Variants in PSD3 observed in about 807,000 individuals in gnomAD.
PSD3 encodes PH and SEC7 domain-containing protein 3.
In PSD3, 49 loss-of-function variants were observed where a neutral mutation model predicts 105.5. The ratio of observed to expected loss-of-function variants is 0.46; its 90% confidence interval spans 0.37 to 0.59. The LOEUF (loss-of-function observed/expected upper bound fraction) is 0.59, where lower values mean the gene tolerates loss of function less well. Among genes scored for constraint, PSD3 ranks in the 20% least tolerant of loss-of-function variants. The probability of loss-of-function intolerance (pLI) is 0.00; values close to 1 mark genes in which losing one functional copy is unlikely to be tolerated. For synonymous variants in PSD3, 557 were observed against 457.8 expected, an observed-to-expected ratio of 1.22 and a Z score of -2.77; for missense variants, 1,561 against 1,263.8, an observed-to-expected ratio of 1.24 and a Z score of -3.57.
intron 4 of PSD3, among the ~76,000 whole-genome samples, chr8:18,810,997 T>G (rs1476997140): frequency 6.6e-6 from 1 of 152,202 alleles, no homozygotes; most frequent in Non-Finnish European, 1.5e-5. Flanking sequence ...ATTTTGTCCA[T>G]CATTATCTAT....
intron 15 of PSD3, among the ~76,000 whole-genome samples, chr8:18,540,566 T>C (rs943956148): frequency 6.6e-6 from 1 of 152,162 alleles, no homozygotes; most frequent in Non-Finnish European, 1.5e-5. Flanking sequence ...AGTCAGCAGG[T>C]TTTGTCCATC....
chr8:19,048,748 T>C (rs1479214885), intron 1 of PSD3, among the ~76,000 whole-genome samples: 1 of 152,222 alleles, frequency 6.6e-6, no homozygotes, highest in African/African-American at 2.4e-5. Flanking sequence ...CAAAGAATCT[T>C]AATGAAGCTT....
intron 1 of PSD3, among the ~76,000 whole-genome samples, chr8:19,082,188 G>T (rs1295332502): frequency 6.6e-6 from 1 of 152,140 alleles, no homozygotes; most frequent in Non-Finnish European, 1.5e-5. Flanking sequence ...CTGGGCAGGG[G>T]TTCCCTGGTT....
intron 9 of PSD3, among the ~76,000 whole-genome samples, chr8:18,704,130 C>T (rs184762042): frequency 9.8e-5 from 15 of 152,304 alleles, no homozygotes; most frequent in African/African-American, 1.4e-4. Context: ...CTCTTTAAAA[C>T]GCTAGTAGTT....
At chr8:18,843,934 T>A (rs971422215) in intron 4 of PSD3, among the ~76,000 whole-genome samples, 1 of 137,136 alleles carries the variant, frequency 7.3e-6, no homozygotes, top group Non-Finnish European at 1.6e-5. Flanking sequence ...TTTTTTTTTT[T>A]ACCCAAGGCA....
chr8:18,788,053 C>T (rs1175131139), intron 8 of PSD3, among the ~76,000 whole-genome samples: 2 of 152,136 alleles, frequency 1.3e-5, no homozygotes, highest in Non-Finnish European at 2.9e-5. Flanking sequence ...TACGATAACA[C>T]TGATTTACAG....
intron 4 of PSD3, among the ~76,000 whole-genome samples, chr8:18,843,131 C>T (rs974304529): frequency 2.6e-5 from 4 of 152,044 alleles, no homozygotes; most frequent in Admixed American, 6.5e-5. Context: ...GAGGCCGAGA[C>T]GGGCGGATCA....
intron 8 of PSD3, among the ~76,000 whole-genome samples, chr8:18,785,212 A>G (rs909434466): frequency 9.9e-5 from 15 of 152,196 alleles, no homozygotes; most frequent in African/African-American, 3.4e-4. Flanking sequence ...ATTGATTGGA[A>G]GTGTTTTATC....
intron 14 of PSD3, among the ~76,000 whole-genome samples, chr8:18,571,594 C>G (rs916962802): frequency 6.6e-6 from 1 of 152,168 alleles, no homozygotes; most frequent in African/African-American, 2.4e-5. Flanking sequence ...GAGGATCTGG[C>G]CTTCATCTGC....
Position 18,598,509 on chromosome 8 carries a change from C to G in PSD3, c.2481+1855G>C, listed in dbSNP as rs1804204722. Among the ~76,000 whole-genome samples the G allele has an allele frequency of 2.0e-5, 3 of 151,350 alleles. No individual in the cohort carries two copies. In the South Asian group the frequency reaches 6.2e-4, roughly 31 times the overall value. On this transcript the variant is annotated intron_variant, in intron 12 of 15. Coordinates refer to ENST00000327040, the MANE Select transcript of PSD3 (RefSeq NM_015310.4). ...GGTGGTTCAACATATGAAAATCAGTCAAAGTGATAAAACGCATTAACAGAT... is the reference window on the plus strand; with the variant it reads ...GGTGGTTCAACATATGAAAATCAGTGAAAGTGATAAAACGCATTAACAGAT...
chr8:18,872,060 G>A lies in PSD3; in HGVS notation c.804C>T (p.Phe268=), dbSNP rs768179799. 3.7e-6 allele frequency: 6 copies of A among 1,614,116 alleles called. No individual in the cohort carries two copies. Among genetic ancestry groups the A allele is most frequent in the Non-Finnish European group, 4.2e-6 (5 of 1,180,036 alleles). The part of the protein sequence containing the change: ...VTCHSAGSVG[F]LKEQRSALGR... ...CAAGAGCAGACCTCTGCTCTTTCAA[G>A]AAACCAACACTGCCTGCAGAGTGGC... Residue 268 remains phenylalanine (F), a synonymous_variant, in exon 3 of 16, where the codon TTC becomes TTT. Coordinates refer to ENST00000327040, the MANE Select transcript of PSD3 (RefSeq NM_015310.4).
chr8:19,039,982 G>C (rs959609520), intron 1 of PSD3, among the ~76,000 whole-genome samples: 3 of 152,140 alleles, frequency 2.0e-5, no homozygotes, highest in African/African-American at 7.2e-5. Context: ...TTAAGGGTTG[G>C]GGGGTATTTA....
At chr8:18,656,911 T>A (rs1808939277) in intron 9 of PSD3, among the ~76,000 whole-genome samples, 1 of 152,160 alleles carries the variant, frequency 6.6e-6, no homozygotes, top group African/African-American at 2.4e-5. Context: ...AGTAAGATGT[T>A]ATAAGGAACA....
intron 10 of PSD3, among the ~76,000 whole-genome samples, chr8:18,638,050 G>C (rs545637592): frequency 6.6e-6 from 1 of 151,934 alleles, no homozygotes; most frequent in South Asian, 2.1e-4. Context: ...CAGCTACTTG[G>C]GAGGCTGAAG....
chr8:18,926,279 T>C (rs1201719411), intron 2 of PSD3, among the ~76,000 whole-genome samples: 2 of 151,934 alleles, frequency 1.3e-5, no homozygotes, highest in Non-Finnish European at 2.9e-5. Context: ...TGATTCAGCA[T>C]ACATGAACTT....
chr8:18,687,534 C>T (rs1467492259), intron 9 of PSD3, among the ~76,000 whole-genome samples: 1 of 151,702 alleles, frequency 6.6e-6, no homozygotes, highest in Non-Finnish European at 1.5e-5. Flanking sequence ...AAATGATTTC[C>T]CCCCTAACTA....
At chr8:19,024,675 C>T (rs992873543) in intron 1 of PSD3, among the ~76,000 whole-genome samples, 10 of 152,036 alleles carry the variant, frequency 6.6e-5, no homozygotes, top group Non-Finnish European at 1.2e-4. Context: ...AGGGGTAGAA[C>T]TTTCAGCCAC....
At position 18,727,723 on chromosome 8, in the gene PSD3, T is replaced by C. The variant is rs374447928; in HGVS notation, c.2172+37726A>G. 2.0e-4 allele frequency among the ~76,000 whole-genome samples: 31 copies of C among 152,222 alleles called. No individual in the cohort carries two copies. In the South Asian group the frequency reaches 5.0e-3, roughly 24 times the overall value. On this transcript the variant is annotated intron_variant, in intron 9 of 15. Transcript: ENST00000327040. ...GGACTTTTTACTTTCAGTGTCTGCA[T>C]ACCAGTTACAGACGAAAAGTCTCTT...
chr8:19,021,038 C>A (rs1827346008), intron 1 of PSD3, among the ~76,000 whole-genome samples: 2 of 152,040 alleles, frequency 1.3e-5, no homozygotes, highest in Admixed American at 6.5e-5. Context: ...ATATTTACAT[C>A]CATGAAACTG....
Sources: gnomAD v4.1 joint callset for allele counts (sites outside exome capture counted in the v4.1 genomes callset) on GRCh38, gnomAD v4.1.1 for gene constraint, MANE v1.5 for transcripts, NCBI Gene and HGNC (gene_info 2026-07-23, HGNC 2026-07-21) for gene names.